PCDHA12: variants seen among roughly 807,000 people sequenced by gnomAD.
PCDHA12 encodes the protein protocadherin alpha 12, also known as protocadherin alpha-12.
In PCDHA12, 44 loss-of-function variants were observed where a neutral mutation model predicts 60.0. The observed-to-expected ratio is 0.73, with a 90% CI of 0.58 to 0.94. The LOEUF is 0.94. Among genes scored for constraint, PCDHA12 ranks in the 40% least tolerant of loss-of-function variants. PCDHA12 has a pLI of 0.00. For synonymous variants in PCDHA12, 569 were observed against 553.0 expected (o/e 1.03, Z -0.40); for missense variants, 1,276 against 1,239.7 (o/e 1.03, Z -0.44).
intron 1 of PCDHA12, chr5:140,968,458 T>C: frequency 6.2e-7 from 1 of 1,614,148 alleles, no homozygotes; most frequent in East Asian, 2.2e-5. Flanking sequence ...GCACTGTGAC[T>C]GCCAACGTAT....
At chr5:140,937,614 C>A (rs561420642) in intron 1 of PCDHA12, among the ~76,000 whole-genome samples, 1 of 149,010 alleles carries the variant, frequency 6.7e-6, no homozygotes, top group Non-Finnish European at 1.5e-5. Flanking sequence ...GATACTCCAT[C>A]TAAAAAGAAA....
rs146492633 is a variant in PCDHA12 at position 140,900,696 on chromosome 5, G to A, written c.2367+22857G>A. Among the ~76,000 whole-genome samples the A allele has an allele frequency of 2.2e-4, 33 of 152,256 alleles. No homozygotes were observed. The East Asian group carries it at 5.8e-3, about 27-fold the overall frequency. ...TTATCTCTTCAATATACTGATTTCC[G>A]TTCTTTTGGAAAGAAAGGAAATCCT... is the stretch of plus-strand genomic sequence containing the variant. On this transcript the variant is annotated intron_variant, in intron 1 of 3. Transcript: ENST00000398631.
At chr5:140,967,978 G>A in intron 1 of PCDHA12, 5 of 1,614,206 alleles carry the variant, frequency 3.1e-6, no homozygotes, top group Non-Finnish European at 3.4e-6. Flanking sequence ...GCCTGGGTCT[G>A]GAGGCCACAC....
chr5:141,001,069 C>T (rs1422093659), intron 3 of PCDHA12, among the ~76,000 whole-genome samples: 15 of 152,106 alleles, frequency 9.9e-5, no homozygotes, highest in African/African-American at 3.1e-4. Flanking sequence ...AAATTAAATA[C>T]ATGCAAAATA....
rs553749529 is a variant in PCDHA12, at chr5:140,931,877, G to C, written c.2368-47072G>C. 3.3e-5 allele frequency among the ~76,000 whole-genome samples: 5 copies of C among 151,886 alleles called. No individual in the cohort carries two copies. The South Asian group carries it at 8.3e-4, about 25-fold the overall frequency. The stretch of plus-strand genomic sequence containing the variant: ...GGATTCTAGAAATAAAATATTTATT[G>C]CTTTCATTTTATTTCAAATCATTTG... On this transcript the variant is annotated intron_variant, in intron 1 of 3. Coordinates refer to ENST00000398631, the MANE Select transcript of PCDHA12 (RefSeq NM_018903.4).
At chr5:140,943,139 T>A (rs2093424349) in intron 1 of PCDHA12, among the ~76,000 whole-genome samples, 2 of 151,168 alleles carry the variant, frequency 1.3e-5, no homozygotes, top group Admixed American at 6.6e-5. Context: ...GTGCCTGTAG[T>A]CCCAGCTACT....
At chr5:140,884,373 T>C (rs1554181483) in intron 1 of PCDHA12, 2 of 1,613,958 alleles carry the variant, frequency 1.2e-6, no homozygotes, top group South Asian at 2.2e-5. Context: ...TACTTGATCA[T>C]TGCCATCTGC....
chr5:140,921,941 A>G (rs1294349868), intron 1 of PCDHA12, among the ~76,000 whole-genome samples: 1 of 152,068 alleles, frequency 6.6e-6, no homozygotes, highest in Non-Finnish European at 1.5e-5. Context: ...ATAATTTTAC[A>G]CTTGTAAAAT....
Position 140,876,798 on chromosome 5 carries a change from C to G in PCDHA12, c.1326C>G (p.Ser442=), listed in dbSNP as rs199586239. 1.6e-4 allele frequency: 252 copies of G among 1,614,180 alleles called. 4 individuals are homozygous for G. The East Asian group carries it at 3.4e-3, about 22-fold the overall frequency. The part of the protein sequence containing the change: ...SPSLWATARV[S]VEVADVNDNA... ...CGCTGTGGGCCACGGCTAGAGTGTC[C>G]GTGGAGGTGGCCGACGTGAACGACA... The change falls in exon 1 of 4, where the codon TCC becomes TCG. Residue 442 remains serine, a synonymous_variant. Coordinates refer to ENST00000398631, the MANE Select transcript of PCDHA12 (RefSeq NM_018903.4).
intron 1 of PCDHA12, chr5:140,882,791 A>G (rs1554175610): frequency 6.2e-7 from 1 of 1,614,254 alleles, no homozygotes; most frequent in South Asian, 1.1e-5. Context: ...ACTGGATCCC[A>G]ACGATTATTT....
chr5:140,988,387 T>G (rs1337322360), intron 3 of PCDHA12, among the ~76,000 whole-genome samples: 1 of 152,202 alleles, frequency 6.6e-6, no homozygotes, highest in Non-Finnish European at 1.5e-5. Flanking sequence ...CTCATTGTGT[T>G]TGCCAGAGTT....
At chr5:140,960,680 G>A (rs192174088) in intron 1 of PCDHA12, among the ~76,000 whole-genome samples, 2 of 152,162 alleles carry the variant, frequency 1.3e-5, no homozygotes, top group African/African-American at 4.8e-5. Context: ...AAACCTACTT[G>A]GGAATGAGGG....
chr5:140,889,067 C>T (rs1169049844), intron 1 of PCDHA12, among the ~76,000 whole-genome samples: 1 of 151,942 alleles, frequency 6.6e-6, no homozygotes, highest in Admixed American at 6.6e-5. Flanking sequence ...TAATATACTA[C>T]TTATTTTGTT....
intron 1 of PCDHA12, among the ~76,000 whole-genome samples, chr5:140,896,330 A>C (rs1435351695): frequency 1.3e-5 from 2 of 152,170 alleles, no homozygotes. Flanking sequence ...CAGTGGCTAA[A>C]CTAATTTATA....
At chr5:140,968,835 A>C in intron 1 of PCDHA12, 2 of 1,614,194 alleles carry the variant, frequency 1.2e-6, no homozygotes, top group Non-Finnish European at 1.7e-6. Flanking sequence ...ATCCTCCCTG[A>C]CACTCAGAGG....
chr5:140,891,748 C>G (rs575198849), intron 1 of PCDHA12, among the ~76,000 whole-genome samples: 2 of 152,242 alleles, frequency 1.3e-5, no homozygotes, highest in African/African-American at 4.8e-5. Flanking sequence ...CCTTATACAA[C>G]AGTGTTGGGA....
At position 140,877,850 on chromosome 5, in the gene PCDHA12, A is replaced by C. The variant is rs782804856; in HGVS notation, c.2367+11A>C. On this transcript the variant is annotated intron_variant, in intron 1 of 3. Coordinates refer to ENST00000398631, the MANE Select transcript of PCDHA12 (RefSeq NM_018903.4). Reference sequence around the variant, plus strand: ...AATCCTCCCAGTGAAGTAAGTTATTAATATTATTTAGATATATTTGTTTCC... The same window carrying C: ...AATCCTCCCAGTGAAGTAAGTTATTCATATTATTTAGATATATTTGTTTCC... 1 of 1,546,004 alleles carries C rather than the reference A, an allele frequency of 6.5e-7. No individual in the cohort carries two copies. The highest frequency in any genetic ancestry group is 1.3e-5 in the South Asian group (1 of 79,868).
rs200436467 is a variant in PCDHA12 at position 140,883,790 on chromosome 5, G to A, written c.2367+5951G>A. 640 of 1,612,406 alleles carry A rather than the reference G, an allele frequency of 4.0e-4. No individual in the cohort carries two copies. The highest frequency in any genetic ancestry group is 5.2e-4 in the Non-Finnish European group (616 of 1,179,760). ...GGGCGAGCGTGCGCTGTCGAGCTAC[G>A]TGTCGGTGCACGCGGAGAGCGGCAA... is the stretch of plus-strand genomic sequence containing the variant. On this transcript the variant is annotated intron_variant, in intron 1 of 3. Transcript: ENST00000398631.
At chr5:140,947,439 G>C (rs2094135272) in intron 1 of PCDHA12, among the ~76,000 whole-genome samples, 1 of 151,638 alleles carries the variant, frequency 6.6e-6, no homozygotes, top group African/African-American at 2.4e-5. Flanking sequence ...AAAATCAGCT[G>C]TGAAATCCTC....
Sources: allele counts gnomAD v4.1 joint callset (sites outside exome capture counted in the v4.1 genomes callset), GRCh38; gene constraint gnomAD v4.1.1; transcripts MANE v1.5; gene names NCBI Gene and HGNC (gene_info 2026-07-23, HGNC 2026-07-21).